TMEM117: variants seen among roughly 807,000 people sequenced by gnomAD.
TMEM117 encodes transmembrane protein 117.
TMEM117 carries 27 observed loss-of-function variants against 52.4 expected under a neutral mutation model. That is an observed-to-expected ratio of 0.51 (90% CI 0.38 to 0.71). TMEM117 has a LOEUF of 0.71. Among genes scored for constraint, TMEM117 ranks in the 30% least tolerant of loss-of-function variants. The pLI, the probability that TMEM117 is intolerant of heterozygous loss-of-function variation, is 0.00. For missense variants in TMEM117, 556 were observed against 630.5 expected (o/e 0.88, Z 1.26); for synonymous variants, 215 against 206.3 (o/e 1.04, Z -0.36).
At chr12:44,364,181 G>A (rs1386053456) in intron 6 of TMEM117, among the ~76,000 whole-genome samples, 1 of 152,100 alleles carries the variant, frequency 6.6e-6, no homozygotes, top group Non-Finnish European at 1.5e-5. Context: ...TTGCTTGAAG[G>A]CAAAACTGTA....
intron 5 of TMEM117, among the ~76,000 whole-genome samples, chr12:44,215,728 T>A (rs1280388037): frequency 1.9e-4 from 28 of 149,336 alleles, no homozygotes; most frequent in African/African-American, 7.2e-4. Flanking sequence ...TTAGCTTTTT[T>A]TAAAAAAAAA....
chr12:44,004,715 T>G (rs867892622), intron 3 of TMEM117, among the ~76,000 whole-genome samples: 7 of 152,290 alleles, frequency 4.6e-5, no homozygotes, highest in Middle Eastern at 3.4e-3. Context: ...GCATAAATAT[T>G]GTCTACAAAA....
chr12:44,114,003 G>C (rs1016017607), intron 3 of TMEM117, among the ~76,000 whole-genome samples: 3 of 146,128 alleles, frequency 2.1e-5, no homozygotes, highest in Admixed American at 2.0e-4. Context: ...TCTTTGACTC[G>C]GAAAGGGAAC....
At chr12:43,959,603 C>G (rs916996839) in intron 3 of TMEM117, among the ~76,000 whole-genome samples, 35 of 152,116 alleles carry the variant, frequency 2.3e-4, no homozygotes, top group African/African-American at 8.0e-4. Flanking sequence ...CTGATAAGAA[C>G]AGTGATTTTC....
rs562879152 is a variant in TMEM117, at chr12:43,932,498, G to A, written c.278-11712G>A. ...GGAGAATTGTCTGAAAGATCTTTAC[G>A]CTTGGCTTAAAAGAAATAATGATTG... On this transcript the variant is annotated intron_variant, in intron 2 of 7. Coordinates refer to ENST00000266534, the MANE Select transcript of TMEM117 (RefSeq NM_032256.3). Among the ~76,000 whole-genome samples the A allele has an allele frequency of 3.0e-4, 46 of 151,982 alleles. No individual in the cohort carries two copies. The South Asian group carries it at 8.3e-3, about 27-fold the overall frequency.
intron 3 of TMEM117, among the ~76,000 whole-genome samples, chr12:44,040,211 CT>C (rs1946775163): frequency 6.6e-6 from 1 of 151,900 alleles, no homozygotes; most frequent in African/African-American, 2.4e-5. Context: ...TGCCAGTAAC[CT>C]CAACAATGTA....
chr12:44,135,861 C>T (rs1016107941), intron 3 of TMEM117, among the ~76,000 whole-genome samples: 1 of 152,166 alleles, frequency 6.6e-6, no homozygotes, highest in African/African-American at 2.4e-5. Context: ...CAACCATGAA[C>T]ACTTGCCTCC....
chr12:44,389,060 T>TAA lies in TMEM117; in HGVS notation c.*388_*389insAA. ...ACCTAACCTATTTCACATGGGCGTT[T>TAA]TGTATACAACTATTTTGATCTACAC... On this transcript the variant is annotated 3_prime_UTR_variant, in exon 8 of 8. Transcript: ENST00000266534. 1 of 157,504 alleles carries TAA rather than the reference T, an allele frequency of 6.3e-6. No individual in the cohort carries two copies. The highest frequency in any genetic ancestry group is 1.6e-4 in the South Asian group (1 of 6,080). The allele number at this position is 157,504 out of a possible 1,614,324, so 9.8% of individuals were successfully genotyped here.
chr12:44,041,694 C>A lies in TMEM117; in HGVS notation c.410+97352C>A, dbSNP rs530268820. The stretch of plus-strand genomic sequence containing the variant: ...AAAAGAAAACTTCAGACCAATATCC[C>A]TGATGAACATAGATACAAAATTCCT... On this transcript the variant is annotated intron_variant, in intron 3 of 7. Transcript: ENST00000266534. 2.6e-5 allele frequency among the ~76,000 whole-genome samples: 4 copies of A among 152,216 alleles called. No individual in the cohort carries two copies. In the South Asian group the frequency reaches 8.3e-4, roughly 32 times the overall value.
At chr12:43,806,302 G>C in the TMEM117 span, 1 of 1,450,500 alleles carries the variant, frequency 6.9e-7, no homozygotes, top group Non-Finnish European at 9.1e-7. Flanking sequence ...GCCCCGGCCG[G>C]CGGCCCCAGG....
intron 2 of TMEM117, among the ~76,000 whole-genome samples, chr12:43,866,706 A>G (rs568246799): frequency 6.6e-6 from 1 of 152,384 alleles, no homozygotes; most frequent in Admixed American, 6.5e-5. Flanking sequence ...ATATAGAAAT[A>G]TCAAATATAC....
chr12:44,115,987 TA>T (rs1326999499), intron 3 of TMEM117, among the ~76,000 whole-genome samples: 8 of 152,222 alleles, frequency 5.3e-5, no homozygotes, highest in African/African-American at 1.9e-4. Flanking sequence ...CACATTAAAA[TA>T]AATGGCTACA....
chr12:44,145,703 C>A (rs2138206558), intron 4 of TMEM117, among the ~76,000 whole-genome samples: 1 of 152,252 alleles, frequency 6.6e-6, no homozygotes, highest in Non-Finnish European at 1.5e-5. Context: ...CCACCTTATC[C>A]CAGGCCTGGG....
intron 3 of TMEM117, among the ~76,000 whole-genome samples, chr12:44,059,191 A>G (rs1565811191): frequency 6.6e-6 from 1 of 152,188 alleles, no homozygotes; most frequent in Non-Finnish European, 1.5e-5. Flanking sequence ...CCTGGTTCCT[A>G]ACAGGCAGCA....
At chr12:44,072,701 C>G (rs1308850763) in intron 3 of TMEM117, among the ~76,000 whole-genome samples, 1 of 152,162 alleles carries the variant, frequency 6.6e-6, no homozygotes, top group Non-Finnish European at 1.5e-5. Flanking sequence ...GTTTGTTTCT[C>G]CATTCCACAA....
chr12:44,375,557 A>G (rs968888625), intron 6 of TMEM117, among the ~76,000 whole-genome samples: 26 of 152,208 alleles, frequency 1.7e-4, no homozygotes, highest in African/African-American at 5.3e-4. Context: ...TTTAGGCACT[A>G]TATTACTAGC....
chr12:44,306,064 G>A (rs1195924754), intron 6 of TMEM117, among the ~76,000 whole-genome samples: 1 of 152,136 alleles, frequency 6.6e-6, no homozygotes, highest in African/African-American at 2.4e-5. Context: ...ATAAATGAGA[G>A]CTAAACATTG....
the TMEM117 span, among the ~76,000 whole-genome samples, chr12:43,810,398 T>C: frequency 6.6e-6 from 1 of 152,220 alleles, no homozygotes; most frequent in African/African-American, 2.4e-5. Context: ...TTAAATAGCA[T>C]GTACAGGAGA....
chr12:43,796,332 T>C, the TMEM117 span, among the ~76,000 whole-genome samples: 1 of 152,238 alleles, frequency 6.6e-6, no homozygotes, highest in East Asian at 1.9e-4. Flanking sequence ...TTAAAAAGCA[T>C]GAAGGGTTCA....
Sources: allele counts gnomAD v4.1 joint callset (sites outside exome capture counted in the v4.1 genomes callset), GRCh38; gene constraint gnomAD v4.1.1; transcripts MANE v1.5; gene names NCBI Gene and HGNC (gene_info 2026-07-23, HGNC 2026-07-21).